The following SCAF4 variants were observed in gnomAD, a reference collection of about 807,000 sequenced individuals.
SCAF4 encodes SR-related CTD associated factor 4.
Under a neutral mutation model 129.8 loss-of-function variants are expected in SCAF4, and 25 were observed. The observed-to-expected ratio is 0.19, with a 90% CI of 0.14 to 0.27. The LOEUF is 0.27. Ranked by LOEUF, SCAF4 falls within the 10% of genes least tolerant of loss-of-function variation. SCAF4 has a pLI of 1.00. For synonymous variants in SCAF4, 551 were observed against 497.7 expected (o/e 1.11, Z -1.43); for missense variants, 1,246 against 1,457.1 (o/e 0.86, Z 2.36).
At chr21:31,691,781 T>TAA in intron 14 of SCAF4, 36 bp downstream of exon 14, 4 of 1,120,898 alleles carry the variant, frequency 3.6e-6, no homozygotes, top group African/African-American at 1.6e-5. Flanking sequence ...TCTGCCTATT[T>TAA]AAAAAAAAAA....
chr21:31,685,030 A>AT lies in SCAF4; in HGVS notation c.2488+18dup, dbSNP rs2050083771. On this transcript the variant is annotated intron_variant, in intron 19 of 19. Transcript: ENST00000286835. Reference sequence around the variant, plus strand: ...GGGGGTGGGGCAAGGAAAACTAATGATAAAAAAAAATAACTTACCAAGAAG... The same window carrying AT: ...GGGGGTGGGGCAAGGAAAACTAATGATTAAAAAAAAATAACTTACCAAGAAG... 4 of 1,471,736 alleles carry AT rather than the reference A, an allele frequency of 2.7e-6. No individual in the cohort carries two copies. Among genetic ancestry groups the AT allele is most frequent in the South Asian group, 1.1e-5 (1 of 87,900 alleles). 91.2% of individuals were successfully genotyped at this position (1,471,736 alleles called of 1,614,324 possible). A position where few individuals can be genotyped will look rare whatever the true frequency, so the allele number is the denominator to read the frequency against.
At chr21:31,689,509 C>T (rs2050208536) in intron 15 of SCAF4, among the ~76,000 whole-genome samples, 1 of 148,692 alleles carries the variant, frequency 6.7e-6, no homozygotes, top group African/African-American at 2.5e-5. Context: ...GGGGTTTTAC[C>T]ATGTTGGCCA....
chr21:31,705,951 T>C (rs2050649861), intron 2 of SCAF4, among the ~76,000 whole-genome samples: 1 of 152,218 alleles, frequency 6.6e-6, no homozygotes, highest in African/African-American at 2.4e-5. Context: ...ACACCTGTAA[T>C]CTCAGCTACT....
At chr21:31,702,437 A>G (rs2050556488) in intron 4 of SCAF4, 58 bp from the exon 5 acceptor site, 2 of 1,464,116 alleles carry the variant, frequency 1.4e-6, no homozygotes, top group Non-Finnish European at 9.4e-7. Flanking sequence ...AACCGATTAT[A>G]CTCTTACAAA....
At chr21:31,723,645 C>T (rs994487227) in intron 1 of SCAF4, among the ~76,000 whole-genome samples, 3 of 148,066 alleles carry the variant, frequency 2.0e-5, no homozygotes, top group Admixed American at 6.7e-5. Context: ...CGCGCGCGCG[C>T]GCACATACAG....
At chr21:31,717,874 T>C (rs35240505) in intron 1 of SCAF4, among the ~76,000 whole-genome samples, 902 of 72,944 alleles carry the variant, frequency 0.012, 12 homozygotes, top group African/African-American at 0.037. Context: ...CACACACATA[T>C]ACACATATAT....
intron 1 of SCAF4, among the ~76,000 whole-genome samples, chr21:31,729,093 C>G (rs534561882): frequency 6.6e-6 from 1 of 152,150 alleles, no homozygotes; most frequent in African/African-American, 2.4e-5. Flanking sequence ...CATAACACTA[C>G]GAACGAAACA....
rs1439697334 is a variant in SCAF4 at position 31,671,657 on chromosome 21, ATCTC to A, written c.3182_3185del (p.Arg1061IlefsTer22). 9 of 1,613,582 alleles carry A rather than the reference ATCTC, an allele frequency of 5.6e-6. No homozygotes were observed. Among genetic ancestry groups the A allele is most frequent in the East Asian group, 2.2e-5 (1 of 44,878 alleles). ...CTCTACGAGACTCTCTATCTCTAGA[ATCTC>A]TCTCTCTGTCTCGATGCCCACTAGA... On this transcript the variant is annotated frameshift_variant, in exon 20 of 20. Coordinates refer to ENST00000286835, the MANE Select transcript of SCAF4 (RefSeq NM_020706.2). LOFTEE classifies it high-confidence loss of function.
intron 19 of SCAF4, 48 bp downstream of exon 19, chr21:31,684,991 TGGGGGGGTGG>T: frequency 2.3e-6 from 1 of 425,992 alleles, no homozygotes. Flanking sequence ...TGGGGATGGG[TGGGGGGGTGG>T]GGGGGGGGTG....
chr21:31,696,573 G>A lies in SCAF4; in HGVS notation c.955C>T (p.Pro319Ser). ...GGAATAAAAAAAAAAACTAACAATG[G>A]TGCCTGTGGAGGAGGAGGAGAGGCA... ...AAASPPPPQA[P>S]FGFPGDGMQQ... The change falls in exon 8 of 20, where the codon CCA (proline) becomes TCA (serine). Residue 319 changes from proline (P) to serine (S), a missense_variant. By Grantham distance (74) the Pro-to-Ser change is moderately conservative. This residue lies in a region of SCAF4 where 236 missense variants were observed against 210.0 expected (regional missense o/e 1.12). Transcript: ENST00000286835. 4.4e-6 allele frequency: 7 copies of A among 1,596,458 alleles called. No homozygotes were observed. The highest frequency in any genetic ancestry group is 6.0e-6 in the Non-Finnish European group (7 of 1,171,836).
intron 19 of SCAF4, among the ~76,000 whole-genome samples, chr21:31,683,672 T>C (rs1483945672): frequency 1.3e-5 from 2 of 151,662 alleles, no homozygotes; most frequent in Non-Finnish European, 2.9e-5. Context: ...GGGGTTGCTA[T>C]CCAGATTCTG....
chr21:31,691,510 A>C (rs919436104), intron 14 of SCAF4, among the ~76,000 whole-genome samples: 1 of 152,202 alleles, frequency 6.6e-6, no homozygotes, highest in Non-Finnish European at 1.5e-5. Context: ...AATTTTTTGA[A>C]CAGGACAAAA....
chr21:31,702,119 C>A, intron 5 of SCAF4, 125 bp downstream of exon 5: 5 of 1,387,280 alleles, frequency 3.6e-6, no homozygotes, highest in Middle Eastern at 1.8e-4. Context: ...GAAAATCATA[C>A]CTTCCAAGAT....
chr21:31,689,807 C>T (rs1196639461), intron 15 of SCAF4, among the ~76,000 whole-genome samples: 5 of 151,662 alleles, frequency 3.3e-5, no homozygotes, highest in Non-Finnish European at 7.4e-5. Context: ...CGGTGGCACG[C>T]GCCTGTAGTC....
intron 1 of SCAF4, chr21:31,712,983 T>G (rs2050840868): frequency 2.3e-6 from 1 of 433,616 alleles, no homozygotes; most frequent in African/African-American, 2.2e-5. Flanking sequence ...GACTTTTGTT[T>G]CTCTTAATTA....
intron 1 of SCAF4, among the ~76,000 whole-genome samples, chr21:31,709,035 G>C (rs2050735132): frequency 6.6e-6 from 1 of 152,136 alleles, no homozygotes. Context: ...CCTGTTTACT[G>C]CTAAAAATCA....
intron 5 of SCAF4, 68 bp downstream of exon 5, chr21:31,702,176 A>G (rs959951969): frequency 1.3e-6 from 2 of 1,593,190 alleles, no homozygotes; most frequent in Non-Finnish European, 8.6e-7. Flanking sequence ...CAATACACAT[A>G]AACTCTGACT....
intron 19 of SCAF4, among the ~76,000 whole-genome samples, chr21:31,675,970 C>T (rs1292567835): frequency 1.3e-5 from 2 of 152,206 alleles, no homozygotes; most frequent in Admixed American, 1.3e-4. Context: ...ATAAGGGATA[C>T]AAAAGGCATA....
chr21:31,683,012 C>T (rs1601188726), intron 19 of SCAF4, among the ~76,000 whole-genome samples: 1 of 152,224 alleles, frequency 6.6e-6, no homozygotes, highest in African/African-American at 2.4e-5. Flanking sequence ...ACTGAACTAA[C>T]ATATTGCATT....
Sources: gnomAD v4.1 joint callset for allele counts (sites outside exome capture counted in the v4.1 genomes callset) on GRCh38, gnomAD v4.1.1 for gene constraint, gnomAD v4.1.1 regional missense constraint, MANE v1.5 for transcripts, NCBI Gene and HGNC (gene_info 2026-07-23, HGNC 2026-07-21) for gene names.